Variants in HNRNPA1L2 observed in about 807,000 individuals in gnomAD.
The protein encoded by HNRNPA1L2 is heterogeneous nuclear ribonucleoprotein A1 like 2, also known as heterogeneous nuclear ribonucleoprotein A1-like 2.
In HNRNPA1L2, 10 loss-of-function variants were observed where a neutral mutation model predicts 18.2. The observed-to-expected ratio is 0.55, with a 90% CI of 0.34 to 0.93. The LOEUF (loss-of-function observed/expected upper bound fraction) is 0.93. HNRNPA1L2 is among the 40% of genes least tolerant of loss of function. The probability of loss-of-function intolerance (pLI) is 0.02; values close to 1 mark genes in which losing one functional copy is unlikely to be tolerated. For synonymous variants in HNRNPA1L2, 124 were observed against 138.6 expected, an observed-to-expected ratio of 0.89 and a Z score of 0.74; for missense variants, 308 against 394.4, an observed-to-expected ratio of 0.78 and a Z score of 1.85.
At chr13:52,618,678 CAG>C in the HNRNPA1L2 span, among the ~76,000 whole-genome samples, 1 of 151,974 alleles carries the variant, frequency 6.6e-6, no homozygotes. Flanking sequence ...TTTTGGAAAA[CAG>C]AAAAAATCTG....
In HNRNPA1L2 at chr13:52,642,450, C is replaced by A; in HGVS notation, c.-43C>A. ...GGTGGACTTTTTCTGCCCGTGGACG[C>A]CGCTGAAGAAGCATCGTTAAAGTCT... On this transcript the variant is annotated 5_prime_UTR_variant, in exon 1 of 1. Transcript: ENST00000357495. 4 of 1,606,718 alleles carry A rather than the reference C, an allele frequency of 2.5e-6. No homozygotes were observed. The highest frequency in any genetic ancestry group is 3.4e-6 in the Non-Finnish European group (4 of 1,177,652).
the HNRNPA1L2 span, among the ~76,000 whole-genome samples, chr13:52,621,251 A>G: frequency 6.6e-6 from 1 of 152,164 alleles, no homozygotes; most frequent in African/African-American, 2.4e-5. Context: ...CTAATGAGGA[A>G]AGCAAAAATG....
chr13:52,623,478 G>A, the HNRNPA1L2 span, among the ~76,000 whole-genome samples: 3 of 152,168 alleles, frequency 2.0e-5, no homozygotes, highest in African/African-American at 7.2e-5. Context: ...TGTGATGTAT[G>A]TAAAATATAT....
the HNRNPA1L2 span, among the ~76,000 whole-genome samples, chr13:52,636,024 ATGGGGTTTCATCATGT>A: frequency 2.6e-5 from 4 of 151,984 alleles, no homozygotes; most frequent in African/African-American, 9.7e-5. Context: ...TTTAGTAAAG[ATGGGGTTTCATCATGT>A]TGGCCAGGCT....
chr13:52,624,334 G>A, the HNRNPA1L2 span, among the ~76,000 whole-genome samples: 2 of 152,096 alleles, frequency 1.3e-5, no homozygotes, highest in African/African-American at 4.8e-5. Context: ...GGCTGGTCTT[G>A]AACTCCTGAC....
chr13:52,643,128 G>T lies in HNRNPA1L2; in HGVS notation c.636G>T (p.Gly212=), dbSNP rs1365833447. The T allele has an allele frequency of 3.8e-6, 6 of 1,597,878 alleles. No homozygotes were observed. In the African/African-American group the frequency reaches 8.0e-5, roughly 21 times the overall value. Residue 212 remains glycine, a synonymous_variant, in exon 1 of 1, where the codon GGG becomes GGT. Coordinates refer to ENST00000357495, the MANE Select transcript of HNRNPA1L2 (RefSeq NM_001389320.1). The part of the protein sequence containing the change: ...FGGGRGDGFG[G]NDNFGRGGNF... ...GTGGTCGTGGAGATGGTTTCGGTGG[G>T]AATGACAACTTTGGTCGTGGAGGAA...
the HNRNPA1L2 span, among the ~76,000 whole-genome samples, chr13:52,633,340 A>T: frequency 2.4e-4 from 36 of 152,318 alleles, no homozygotes; most frequent in African/African-American, 8.4e-4. Context: ...TTCTTAACAC[A>T]TGGTTGGTCT....
the HNRNPA1L2 span, among the ~76,000 whole-genome samples, chr13:52,628,166 T>C: frequency 1.3e-5 from 2 of 152,126 alleles, no homozygotes; most frequent in Non-Finnish European, 2.9e-5. Flanking sequence ...GAAATGGCCA[T>C]GTGTGGTGGC....
At chr13:52,633,644 T>C in the HNRNPA1L2 span, among the ~76,000 whole-genome samples, 119 of 152,240 alleles carry the variant, frequency 7.8e-4, no homozygotes, top group Non-Finnish European at 2.8e-4. Context: ...AGATCCTTTC[T>C]GTAAAAAAAT....
chr13:52,631,213 G>A, the HNRNPA1L2 span, among the ~76,000 whole-genome samples: 1 of 152,180 alleles, frequency 6.6e-6, no homozygotes, highest in Non-Finnish European at 1.5e-5. Flanking sequence ...TTCTCAGAAT[G>A]TTGGCACTGC....
At chr13:52,626,780 GAC>G in the HNRNPA1L2 span, among the ~76,000 whole-genome samples, 1 of 151,704 alleles carries the variant, frequency 6.6e-6, no homozygotes, top group Non-Finnish European at 1.5e-5. Context: ...AAGCCCATGT[GAC>G]CCACACACTT....
At chr13:52,640,179 G>C (rs956326479), upstream of HNRNPA1L2, among the ~76,000 whole-genome samples, 1 of 152,146 alleles carries the variant, frequency 6.6e-6, no homozygotes, top group Non-Finnish European at 1.5e-5. Flanking sequence ...GGGCTCAAGG[G>C]ATTCACCCCT....
At position 52,642,824 on chromosome 13, in the gene HNRNPA1L2, G is replaced by A. The variant is rs1369036657; in HGVS notation, c.332G>A (p.Gly111Asp). 3.4e-5 allele frequency: 54 copies of A among 1,595,928 alleles called. No individual in the cohort carries two copies. The East Asian group carries it at 1.2e-3, about 36-fold the overall frequency. ...HLTVKKIFVG[G>D]IKEDTEEHHL... is the part of the protein sequence containing the mutation. ...ACTGTGAAAAAGATATTTGTTGGTG[G>A]CATTAAAGAAGACACTGAAGAACAT... Residue 111 changes from glycine (G) to aspartate (D), a missense_variant, in exon 1 of 1, where the codon GGC (glycine) becomes GAC (aspartate). Physicochemically the swap from Gly to Asp is moderately conservative, Grantham distance 94 (BLOSUM62 -1). Coordinates refer to ENST00000357495, the MANE Select transcript of HNRNPA1L2 (RefSeq NM_001389320.1).
At chr13:52,621,587 A>G in the HNRNPA1L2 span, among the ~76,000 whole-genome samples, 29 of 152,262 alleles carry the variant, frequency 1.9e-4, no homozygotes, top group African/African-American at 4.8e-4. Context: ...ATTTGGGAGC[A>G]CCAGCACCCC....
upstream of HNRNPA1L2, among the ~76,000 whole-genome samples, chr13:52,639,607 C>G (rs753707900): frequency 2.0e-5 from 3 of 149,266 alleles, no homozygotes; most frequent in Non-Finnish European, 4.4e-5. Flanking sequence ...TGCTTGCCAG[C>G]TCCTGAATTT....
the HNRNPA1L2 span, among the ~76,000 whole-genome samples, chr13:52,630,262 G>T: frequency 0.061 from 9,357 of 152,160 alleles, 326 homozygotes; most frequent in African/African-American, 0.095. Context: ...AAAAGTTAAC[G>T]TGTCTTTTAT....
At chr13:52,635,610 A>G in the HNRNPA1L2 span, among the ~76,000 whole-genome samples, 1 of 109,920 alleles carries the variant, frequency 9.1e-6, no homozygotes, top group Non-Finnish European at 2.2e-5. Context: ...ACACACACAC[A>G]CACACACACA....
the HNRNPA1L2 span, among the ~76,000 whole-genome samples, chr13:52,628,450 A>T: frequency 1.3e-5 from 2 of 152,108 alleles, 1 homozygote; most frequent in South Asian, 4.1e-4. Context: ...CTCTGAAAGA[A>T]ATTATATTTA....
upstream of HNRNPA1L2, chr13:52,642,314 T>C (rs1172102901): frequency 1.3e-6 from 1 of 792,318 alleles, no homozygotes; most frequent in African/African-American, 1.7e-5. Flanking sequence ...TTTCTTCCTG[T>C]ACATACACTA....
Sources: allele counts gnomAD v4.1 joint callset (sites outside exome capture counted in the v4.1 genomes callset), GRCh38; gene constraint gnomAD v4.1.1; transcripts MANE v1.5; gene names NCBI Gene and HGNC (gene_info 2026-07-23, HGNC 2026-07-21).